RIMKLA: variants seen among roughly 807,000 people sequenced by gnomAD.
The protein encoded by RIMKLA is ribosomal modification protein rimK like family member A.
In RIMKLA, 14 loss-of-function variants were observed where a neutral mutation model predicts 32.7. The observed-to-expected ratio is 0.43, with a 90% CI of 0.28 to 0.67. The LOEUF is 0.67. Among genes scored for constraint, RIMKLA ranks in the 30% least tolerant of loss-of-function variants. The pLI is 0.18. For synonymous variants in RIMKLA, 176 were observed against 204.1 expected (o/e 0.86, Z 1.18); for missense variants, 410 against 519.0 (o/e 0.79, Z 2.04).
At chr1:42,401,638 A>T (rs1009636640) in intron 2 of RIMKLA, among the ~76,000 whole-genome samples, 9 of 152,172 alleles carry the variant, frequency 5.9e-5, no homozygotes, top group Admixed American at 3.9e-4. Context: ...GGGTTCAGCA[A>T]AAGGGAGTTT....
intron 1 of RIMKLA, among the ~76,000 whole-genome samples, chr1:42,399,158 A>G (rs1393554181): frequency 6.6e-6 from 1 of 151,966 alleles, no homozygotes; most frequent in Non-Finnish European, 1.5e-5. Flanking sequence ...GATTCTTTTA[A>G]CCTAGATTAT....
chr1:42,414,487 G>A lies in RIMKLA; in HGVS notation c.689G>A (p.Gly230Asp). 6.2e-7 allele frequency: 1 copy of A among 1,613,788 alleles called. No homozygotes were observed. Among genetic ancestry groups the A allele is most frequent in the Non-Finnish European group, 8.5e-7 (1 of 1,179,758 alleles). ...GRMQSNCSLG[G>D]VGVKCPLTEQ... ...CATCACTGTGCTTTCCCCACAGGTG[G>A]CGTGGGCGTCAAGTGTCCGCTGACA... The change falls in exon 5 of 5, where the codon GGC (glycine) becomes GAC (aspartate). Residue 230 changes from glycine to aspartate, a missense_variant. Coordinates refer to ENST00000431473, the MANE Select transcript of RIMKLA (RefSeq NM_173642.4).
intron 1 of RIMKLA, among the ~76,000 whole-genome samples, chr1:42,388,201 T>C (rs1048540314): frequency 3.9e-5 from 6 of 152,118 alleles, no homozygotes; most frequent in African/African-American, 1.4e-4. Context: ...GGGAATCCAC[T>C]GAAGGATATT....
intron 1 of RIMKLA, among the ~76,000 whole-genome samples, chr1:42,386,447 A>G (rs1025573412): frequency 1.3e-5 from 2 of 152,030 alleles, no homozygotes; most frequent in Admixed American, 1.3e-4. Context: ...TTCCCTGGCC[A>G]CTTTACCCAT....
chr1:42,404,667 C>T (rs1105670), intron 3 of RIMKLA, 70 bp downstream of exon 3: 156,298 of 971,038 alleles, frequency 0.16, 13,233 homozygotes, highest in East Asian at 0.23. Context: ...CTGGACAAGA[C>T]ACTCCTCAAG....
rs147343564 is a variant in RIMKLA at position 42,423,945 on chromosome 1, T to G, written c.*8971T>G. ...CTAAGCATCTTTTGTTAGAAAATTC[T>G]GGCTGAAATTCTCATGAGATGGGTC... is the stretch of plus-strand genomic sequence containing the variant. On this transcript the variant is annotated 3_prime_UTR_variant, in exon 5 of 5. Coordinates refer to ENST00000431473, the MANE Select transcript of RIMKLA (RefSeq NM_173642.4). 3.9e-5 allele frequency among the ~76,000 whole-genome samples: 6 copies of G among 152,320 alleles called. No individual in the cohort carries two copies. The East Asian group carries it at 9.6e-4, about 24-fold the overall frequency.
chr1:42,412,703 T>C (rs1570331323), intron 4 of RIMKLA: 1 of 454,632 alleles, frequency 2.2e-6, no homozygotes, highest in East Asian at 6.3e-5. Flanking sequence ...ATGATGACTT[T>C]GGAGCATGGC....
intron 1 of RIMKLA, among the ~76,000 whole-genome samples, chr1:42,383,441 C>T (rs185905500): frequency 1.6e-4 from 24 of 152,272 alleles, no homozygotes; most frequent in Admixed American, 1.1e-3. Flanking sequence ...TAATAGTGGC[C>T]AGAATAGTGC....
intron 4 of RIMKLA, among the ~76,000 whole-genome samples, chr1:42,411,881 G>A (rs531344612): frequency 1.8e-4 from 28 of 151,852 alleles, no homozygotes; most frequent in African/African-American, 6.3e-4. Flanking sequence ...CGTGTTAGCC[G>A]GGATGGTCTC....
At chr1:42,394,004 C>G (rs566818682) in intron 1 of RIMKLA, among the ~76,000 whole-genome samples, 7 of 152,346 alleles carry the variant, frequency 4.6e-5, no homozygotes, top group Admixed American at 4.6e-4. Context: ...AGCCTGGTCT[C>G]GATCTCCTGA....
intron 3 of RIMKLA, among the ~76,000 whole-genome samples, chr1:42,407,789 C>T (rs1395301406): frequency 6.6e-6 from 1 of 152,166 alleles, no homozygotes; most frequent in African/African-American, 2.4e-5. Context: ...GTTATAATGG[C>T]TTCCTAGGGC....
rs1374330077 is a variant in RIMKLA at position 42,417,609 on chromosome 1, GGTA to G, written c.*2640_*2642del. ...GTGAGACTGGTGCATGTAAATTAAT[GGTA>G]GTAGAGCACCTCCCACATCTGATTT... On this transcript the variant is annotated 3_prime_UTR_variant, in exon 5 of 5. Coordinates refer to ENST00000431473, the MANE Select transcript of RIMKLA (RefSeq NM_173642.4). The G allele has an allele frequency of 6.6e-6, 1 of 152,182 alleles. No homozygotes were observed. Among genetic ancestry groups the G allele is most frequent in the East Asian group, 1.9e-4 (1 of 5,196 alleles). The allele number at this position is 152,182 out of a possible 1,614,324, so 9.4% of individuals were successfully genotyped here. A position where few individuals can be genotyped will look rare whatever the true frequency, so the allele number is the denominator to read the frequency against.
intron 4 of RIMKLA, among the ~76,000 whole-genome samples, chr1:42,413,517 A>G (rs1006679272): frequency 3.8e-5 from 4 of 106,162 alleles, no homozygotes; most frequent in Non-Finnish European, 6.4e-5. Context: ...AAAAAAAAAA[A>G]AAAAAAAGAA....
chr1:42,402,765 A>AT (rs1643110977), intron 2 of RIMKLA, among the ~76,000 whole-genome samples: 1 of 151,804 alleles, frequency 6.6e-6, no homozygotes, highest in South Asian at 2.1e-4. Context: ...TAATTTTTGT[A>AT]TTTTTTGTAG....
intron 4 of RIMKLA, 99 bp from the exon 5 acceptor site, chr1:42,414,385 C>G: frequency 8.0e-7 from 1 of 1,244,760 alleles, no homozygotes. Context: ...AATGATCGAG[C>G]CTCTCTTTCT....
Position 42,410,186 on chromosome 1 carries a change from C to G in RIMKLA, c.684C>G (p.Leu228=), listed in dbSNP as rs184878888. ...GACGGATGCAGAGCAACTGCTCTCTCGGTAAGGTATAAAAGCACAGGGTTT... is the reference window on the plus strand; with the variant it reads ...GACGGATGCAGAGCAACTGCTCTCTGGGTAAGGTATAAAAGCACAGGGTTT... ...TDGRMQSNCS[L]GGVGVKCPLT... The change falls in exon 4 of 5, where the codon CTC becomes CTG. Residue 228 remains leucine, a splice_region_variant and synonymous_variant. Coordinates refer to ENST00000431473, the MANE Select transcript of RIMKLA (RefSeq NM_173642.4). 1.2e-6 allele frequency: 2 copies of G among 1,613,682 alleles called. No individual in the cohort carries two copies. The highest frequency in any genetic ancestry group is 1.7e-6 in the Non-Finnish European group (2 of 1,179,654).
rs1157391600 is a variant in RIMKLA, at chr1:42,423,884, T to C, written c.*8910T>C. ...CACTAACCTTAGGTCTACTGTACTC[T>C]TGGTGAATCACAGCTCTTTAGAGCT... is the stretch of plus-strand genomic sequence containing the variant. On this transcript the variant is annotated 3_prime_UTR_variant, in exon 5 of 5. Transcript: ENST00000431473. Among the ~76,000 whole-genome samples the C allele has an allele frequency of 3.3e-5, 5 of 152,228 alleles. No homozygotes were observed. The highest frequency in any genetic ancestry group is 1.2e-4 in the African/African-American group (5 of 41,454).
intron 1 of RIMKLA, among the ~76,000 whole-genome samples, chr1:42,392,562 G>A (rs1421029347): frequency 6.6e-6 from 1 of 152,132 alleles, no homozygotes; most frequent in African/African-American, 2.4e-5. Flanking sequence ...AGAGGGCTTT[G>A]TCTGGTACAG....
intron 1 of RIMKLA, among the ~76,000 whole-genome samples, chr1:42,385,844 C>CTTTT (rs1553175520): frequency 1.8e-5 from 1 of 56,996 alleles, no homozygotes; most frequent in African/African-American, 6.6e-5. Context: ...TTCTTTCTTT[C>CTTTT]TCTTTCTTTC....
Sources: gnomAD v4.1 joint callset for allele counts (sites outside exome capture counted in the v4.1 genomes callset) on GRCh38, gnomAD v4.1.1 for gene constraint, MANE v1.5 for transcripts, NCBI Gene and HGNC (gene_info 2026-07-23, HGNC 2026-07-21) for gene names.